Variants in DSCAML1 observed in about 807,000 individuals in gnomAD.
DSCAML1 encodes cell adhesion molecule DSCAML1.
A neutral mutation model predicts 200.5 loss-of-function variants in DSCAML1; 38 were observed. The observed-to-expected ratio is 0.19, with a 90% CI of 0.15 to 0.25. DSCAML1 has a LOEUF of 0.25. DSCAML1 is among the 10% of genes least tolerant of loss of function. The pLI, the probability that DSCAML1 is intolerant of heterozygous loss-of-function variation, is 1.00. For synonymous variants in DSCAML1, 1,215 were observed against 1,165.0 expected, an observed-to-expected ratio of 1.04 and a Z score of -0.87; for missense variants, 2,223 against 2,858.8, an observed-to-expected ratio of 0.78 and a Z score of 5.07.
At position 117,769,381 on chromosome 11, in the gene DSCAML1, T is replaced by C. The variant is rs1162335987; in HGVS notation, c.511+7410A>G. 3.1e-3 allele frequency among the ~76,000 whole-genome samples: 43 copies of C among 13,776 alleles called. 12 individuals are homozygous for C. The highest frequency in any genetic ancestry group is 6.4e-3 in the African/African-American group (41 of 6,444). The allele number at this position is 13,776 out of a possible 152,430, so 9.0% of individuals were successfully genotyped here. ...TATATTTTATATAATATATATTTTATATATTATATATATTTTTATATAATA... is the reference window on the plus strand; with the variant it reads ...TATATTTTATATAATATATATTTTACATATTATATATATTTTTATATAATA... On this transcript the variant is annotated intron_variant, in intron 3 of 32. Transcript: ENST00000651296.
chr11:117,805,696 G>A (rs763427732), intron 1 of DSCAML1, among the ~76,000 whole-genome samples: 15 of 152,154 alleles, frequency 9.9e-5, no homozygotes, highest in South Asian at 2.1e-4. Context: ...TGGCCTAAAG[G>A]AAGTACATTT....
chr11:117,530,291 A>ACTCCAAAAG (rs2050051460), intron 4 of DSCAML1, among the ~76,000 whole-genome samples: 2 of 152,050 alleles, frequency 1.3e-5, no homozygotes, highest in Admixed American at 1.3e-4. Context: ...CACCCAGGAG[A>ACTCCAAAAG]CTAGAGGATG....
At chr11:117,486,264 T>TGGATGGGAAAGTGGC (rs2049052565) in intron 11 of DSCAML1, among the ~76,000 whole-genome samples, 3 of 82,736 alleles carry the variant, frequency 3.6e-5, no homozygotes, top group Non-Finnish European at 5.0e-5. Context: ...GGGAAAGTGG[T>TGGATGGGAAAGTGGC]GGATGGGAAA....
intron 1 of DSCAML1, among the ~76,000 whole-genome samples, chr11:117,813,207 A>T (rs1306712557): frequency 6.6e-6 from 1 of 152,224 alleles, no homozygotes; most frequent in African/African-American, 2.4e-5. Context: ...CAGAAGTCAG[A>T]CATGTCCTCA....
At chr11:117,544,443 C>G (rs1015082642) in intron 3 of DSCAML1, among the ~76,000 whole-genome samples, 2 of 152,202 alleles carry the variant, frequency 1.3e-5, no homozygotes, top group African/African-American at 4.8e-5. Context: ...TACTTCCTGG[C>G]TGGCGGGAAT....
intron 3 of DSCAML1, among the ~76,000 whole-genome samples, chr11:117,593,271 T>C (rs1354746195): frequency 3.3e-5 from 5 of 152,210 alleles, no homozygotes; most frequent in African/African-American, 9.7e-5. Flanking sequence ...GCAAAATCTC[T>C]GCTTTCTCCC....
chr11:117,618,677 A>C (rs1424834794), intron 3 of DSCAML1, among the ~76,000 whole-genome samples: 1 of 152,178 alleles, frequency 6.6e-6, no homozygotes, highest in Non-Finnish European at 1.5e-5. Flanking sequence ...GGTTTAAAAA[A>C]AAAAAATCTG....
intron 3 of DSCAML1, among the ~76,000 whole-genome samples, chr11:117,760,356 C>G (rs958926771): frequency 3.9e-5 from 6 of 152,196 alleles, no homozygotes; most frequent in Admixed American, 3.9e-4. Flanking sequence ...TAAGCGCTAC[C>G]CTGAATATGG....
intron 20 of DSCAML1, among the ~76,000 whole-genome samples, chr11:117,448,010 C>T (rs963721890): frequency 2.0e-5 from 3 of 152,236 alleles, no homozygotes; most frequent in African/African-American, 7.2e-5. Context: ...CAGGGCTGAA[C>T]TGAAGTTCTC....
At position 117,511,016 on chromosome 11, in the gene DSCAML1, C is replaced by T. The variant is rs538133183; in HGVS notation, c.1784-5284G>A. Among the ~76,000 whole-genome samples the T allele has an allele frequency of 7.9e-5, 12 of 152,290 alleles. No homozygotes were observed. The East Asian group carries it at 2.3e-3, about 29-fold the overall frequency. The stretch of plus-strand genomic sequence containing the variant: ...ACCTTCACCAGTAGCAGGCACTTGG[C>T]CAGGTGGCTGACTCTCCCTTAAGCT... On this transcript the variant is annotated intron_variant, in intron 8 of 32. Coordinates refer to ENST00000651296, the MANE Select transcript of DSCAML1 (RefSeq NM_020693.4).
At chr11:117,634,008 C>A (rs1351489458) in intron 3 of DSCAML1, among the ~76,000 whole-genome samples, 2 of 152,176 alleles carry the variant, frequency 1.3e-5, no homozygotes, top group Non-Finnish European at 2.9e-5. Context: ...TATCACATGC[C>A]CTGCACCGTG....
At chr11:117,471,739 T>C in intron 15 of DSCAML1, 130 bp downstream of exon 15, 2 of 823,596 alleles carry the variant, frequency 2.4e-6, no homozygotes, top group South Asian at 3.2e-5. Flanking sequence ...CACAAACATC[T>C]GTTAGGATGC....
intron 14 of DSCAML1, among the ~76,000 whole-genome samples, chr11:117,475,665 T>C (rs1459566676): frequency 2.6e-5 from 4 of 152,352 alleles, no homozygotes; most frequent in East Asian, 1.9e-4. Context: ...TTTTCCCCTT[T>C]ACTTGGGACT....
intron 3 of DSCAML1, among the ~76,000 whole-genome samples, chr11:117,680,683 G>C (rs1384472965): frequency 6.6e-6 from 1 of 152,188 alleles, no homozygotes; most frequent in African/African-American, 2.4e-5. Flanking sequence ...GATCACCAGG[G>C]CTTGTAAGGA....
intron 3 of DSCAML1, among the ~76,000 whole-genome samples, chr11:117,649,049 G>A (rs879539830): frequency 0.026 from 3,480 of 136,246 alleles, 84 homozygotes; most frequent in East Asian, 0.067. Context: ...ATATGTGTGT[G>A]TGTGTGTGTG....
At chr11:117,519,095 G>T (rs1031186892) in intron 6 of DSCAML1, among the ~76,000 whole-genome samples, 7 of 152,218 alleles carry the variant, frequency 4.6e-5, no homozygotes, top group Non-Finnish European at 8.8e-5. Context: ...ATAGTCTGAG[G>T]ATAAAATGAA....
At chr11:117,801,551 A>T (rs535874336), upstream of DSCAML1, 1 of 152,348 alleles carries the variant, frequency 6.6e-6, no homozygotes, top group Admixed American at 6.5e-5. Context: ...AGATGAGATG[A>T]ATCAGTACAA....
In DSCAML1 at chr11:117,437,175, C is replaced by T. The variant is rs1056232563; in HGVS notation, c.4667G>A (p.Ser1556Asn). 1 of 1,614,106 alleles carries T rather than the reference C, an allele frequency of 6.2e-7. No homozygotes were observed. Among genetic ancestry groups the T allele is most frequent in the African/African-American group, 1.3e-5 (1 of 74,926 alleles). ...WYELRMRACN[S>N]AGCGNETAQF... ...GGCTGTTTCATTGCCGCAGCCCGCA[C>T]TGTTGCAAGCCCTCATGCGCAGCTC... The change falls in exon 26 of 33, where the codon AGT (serine) becomes AAT (asparagine). Residue 1556 changes from serine to asparagine, a missense_variant. Around this residue, in one of 7 missense-constraint regions of DSCAML1, gnomAD observed 614 missense variants for 739.1 expected, o/e 0.83. Transcript: ENST00000651296. The surrounding 1 kb of genome is among the most constrained non-coding windows in gnomAD (Gnocchi z 5.3).
chr11:117,496,778 C>T (rs778348651), intron 11 of DSCAML1, among the ~76,000 whole-genome samples: 23 of 152,276 alleles, frequency 1.5e-4, no homozygotes, highest in Admixed American at 1.2e-3. Context: ...AAACTGGAAC[C>T]GGAGGATGCA....
Sources: allele counts gnomAD v4.1 joint callset (sites outside exome capture counted in the v4.1 genomes callset), GRCh38; gene constraint gnomAD v4.1.1; regional missense constraint gnomAD v4.1.1; non-coding constraint Gnocchi (gnomAD v3.1); transcripts MANE v1.5; gene names NCBI Gene and HGNC (gene_info 2026-07-23, HGNC 2026-07-21).